DCLRE1C: variants seen among roughly 807,000 people sequenced by gnomAD.
The protein encoded by DCLRE1C is protein artemis.
A neutral mutation model predicts 61.4 loss-of-function variants in DCLRE1C; 47 were observed. The observed-to-expected ratio is 0.77, with a 90% confidence interval of 0.61 to 0.98. The LOEUF (loss-of-function observed/expected upper bound fraction) is 0.98. Among genes scored for constraint, DCLRE1C ranks in the 50% least tolerant of loss-of-function variants. The pLI, the probability that DCLRE1C is intolerant of heterozygous loss-of-function variation, is 0.00. For missense variants in DCLRE1C, 858 were observed against 816.0 expected (o/e 1.05, Z -0.63); for synonymous variants, 337 against 287.6 (o/e 1.17, Z -1.74).
rs1027865645 is a variant in DCLRE1C at position 14,932,028 on chromosome 10, G to A, written c.780+826C>T. Among the ~76,000 whole-genome samples, 11 of 150,702 alleles carry A rather than the reference G, an allele frequency of 7.3e-5. No homozygotes were observed. In the East Asian group the frequency reaches 7.8e-4, roughly 11 times the overall value. On this transcript the variant is annotated intron_variant, in intron 9 of 13. Coordinates refer to ENST00000378278, the MANE Select transcript of DCLRE1C (RefSeq NM_001033855.3). ...CAACCTGGGCAACAGAGCAAGGCTCGTCTCAAAAATAAATAAATAATAAAT... is the reference window on the plus strand; with the variant it reads ...CAACCTGGGCAACAGAGCAAGGCTCATCTCAAAAATAAATAAATAATAAAT...
chr10:14,945,653 C>CTTTTTTTTTTTTTTTT (rs148072088), intron 2 of DCLRE1C: 1 of 259,710 alleles, frequency 3.9e-6, no homozygotes, highest in Non-Finnish European at 4.8e-6. Flanking sequence ...TAAGTCTATT[C>CTTTTTTTTTTTTTTTT]TTTTTTTTTT....
In DCLRE1C at chr10:14,905,071, TAC is replaced by T. The variant is rs1834279399; in HGVS notation, c.*3335_*3336del. 6.6e-6 allele frequency among the ~76,000 whole-genome samples: 1 copy of T among 152,246 alleles called. No homozygotes were observed. Among genetic ancestry groups the T allele is most frequent in the Non-Finnish European group, 1.5e-5 (1 of 68,034 alleles). On this transcript the variant is annotated 3_prime_UTR_variant, in exon 14 of 14. Coordinates refer to ENST00000378278, the MANE Select transcript of DCLRE1C (RefSeq NM_001033855.3). ...CCATGGCTTAGCTTTGTTTCTGTTT[TAC>T]AGTCATTTCCAGTAAGACTATAAAA...
downstream of DCLRE1C, chr10:14,902,842 AT>A (rs756453844): frequency 2.5e-4 from 40 of 160,598 alleles, no homozygotes; most frequent in Non-Finnish European, 4.8e-4. Context: ...TGATAATGTA[AT>A]TAACAACTGC....
intron 13 of DCLRE1C, among the ~76,000 whole-genome samples, chr10:14,911,615 AAAAT>A (rs1241791486): frequency 6.6e-5 from 10 of 152,206 alleles, no homozygotes; most frequent in Non-Finnish European, 8.8e-5. Flanking sequence ...ATAAAAGAAA[AAAAT>A]AGACAAATTT....
At chr10:14,938,515 G>C (rs190318488) in intron 4 of DCLRE1C, among the ~76,000 whole-genome samples, 2 of 152,162 alleles carry the variant, frequency 1.3e-5, no homozygotes, top group East Asian at 3.9e-4. Flanking sequence ...GTTAAACACG[G>C]CAAAGCAGTG....
downstream of DCLRE1C, among the ~76,000 whole-genome samples, chr10:14,900,384 A>G (rs1414773234): frequency 3.9e-5 from 6 of 152,230 alleles, no homozygotes; most frequent in Non-Finnish European, 2.9e-5. Context: ...GTGTGCCACA[A>G]AGTTATATAG....
chr10:14,898,281 C>T (rs548393094), exon 14 of DCLRE1C: 2 of 140,806 alleles, frequency 1.4e-5, no homozygotes, highest in Non-Finnish European at 3.0e-5. Flanking sequence ...AGTACCTTGC[C>T]CAAGGTCACA....
chr10:14,902,728 A>G, downstream of DCLRE1C: 2 of 358,518 alleles, frequency 5.6e-6, no homozygotes, highest in Non-Finnish European at 1.0e-5. Flanking sequence ...TATAGTGCTT[A>G]GAGACCAAAC....
At chr10:14,949,121 T>A in intron 1 of DCLRE1C, 34 bp from the exon 2 acceptor site, 1 of 1,480,846 alleles carries the variant, frequency 6.8e-7, no homozygotes. Context: ...CATGAATATG[T>A]TTTTCCAGAG....
downstream of DCLRE1C, chr10:14,903,613 C>T (rs762554670): frequency 5.3e-5 from 8 of 152,096 alleles, no homozygotes; most frequent in Non-Finnish European, 7.4e-5. Flanking sequence ...AATTATTAGA[C>T]CTTTTTATTA....
chr10:14,935,640 T>C (rs1839784893), intron 5 of DCLRE1C, 76 bp from the exon 6 acceptor site: 2 of 1,346,316 alleles, frequency 1.5e-6, no homozygotes, highest in East Asian at 4.6e-5. Context: ...GTGAGCTGCA[T>C]ACTAAATGCT....
At chr10:14,950,357 C>CAAAAAAAAAAAAAAAAAACA (rs1842280597) in intron 1 of DCLRE1C, among the ~76,000 whole-genome samples, 1 of 71,264 alleles carries the variant, frequency 1.4e-5, no homozygotes, top group Non-Finnish European at 3.1e-5. Context: ...AAATAATAAC[C>CAAAAAAAAAAAAAAAAAACA]AAAAAAAAAA....
At chr10:14,951,514 A>G (rs1842463448) in intron 1 of DCLRE1C, among the ~76,000 whole-genome samples, 1 of 151,808 alleles carries the variant, frequency 6.6e-6, no homozygotes, top group Non-Finnish European at 1.5e-5. Context: ...GATACCATAG[A>G]TACCATAGTT....
At chr10:14,938,709 T>C (rs751711867) in intron 4 of DCLRE1C, among the ~76,000 whole-genome samples, 5 of 152,200 alleles carry the variant, frequency 3.3e-5, no homozygotes, top group Non-Finnish European at 7.3e-5. Flanking sequence ...GAGCCCCTTT[T>C]CTGAATAAGG....
rs551424525 is a variant in DCLRE1C, at chr10:14,920,311, G to A, written c.1062-479C>T. 186 of 874,918 alleles carry A rather than the reference G, an allele frequency of 2.1e-4. No individual in the cohort carries two copies. In the African/African-American group the frequency reaches 3.3e-3, roughly 16 times the overall value. The allele number at this position is 874,918 out of a possible 1,614,324, so 54.2% of individuals were successfully genotyped here. On this transcript the variant is annotated intron_variant, in intron 12 of 13. Transcript: ENST00000378278. ...TTATCTTGTCATTCTAGGTCCTTAG[G>A]CTGAAAGCTAAGACAAAGTGGAGAT...
intron 9 of DCLRE1C, among the ~76,000 whole-genome samples, chr10:14,931,227 T>A (rs1304690485): frequency 6.6e-6 from 1 of 152,216 alleles, no homozygotes; most frequent in Non-Finnish European, 1.5e-5. Context: ...AGTCTTGTAC[T>A]CAGCGTTTGA....
Position 14,923,079 on chromosome 10 carries a change from G to T in DCLRE1C, c.973-10C>A. On this transcript the variant is annotated splice_polypyrimidine_tract_variant and intron_variant, in intron 11 of 13. Coordinates refer to ENST00000378278, the MANE Select transcript of DCLRE1C (RefSeq NM_001033855.3). ...TCAAGAAATCTTTAATCTAGAAAAA[G>T]GAAAATCACATGGATCAACAATCTC... The T allele has an allele frequency of 6.3e-7, 1 of 1,598,204 alleles. No homozygotes were observed. The highest frequency in any genetic ancestry group is 8.6e-7 in the Non-Finnish European group (1 of 1,165,650).
At chr10:14,932,987 G>T (rs373143279) in intron 8 of DCLRE1C, 32 bp from the exon 9 acceptor site, 2 of 1,602,252 alleles carry the variant, frequency 1.2e-6, no homozygotes, top group Admixed American at 1.7e-5. Context: ...TGCAAATTAT[G>T]TGAAATGTAT....
In DCLRE1C at chr10:14,908,637, C is replaced by G. The variant is rs1311886274; in HGVS notation, c.1850G>C (p.Ser617Thr). Residue 617 changes from serine to threonine, a missense_variant, in exon 14 of 14, where the codon AGT becomes ACT. Physicochemically the swap from Ser to Thr is moderately conservative, Grantham distance 58. Coordinates refer to ENST00000378278, the MANE Select transcript of DCLRE1C (RefSeq NM_001033855.3). ...GCTTAGAGTAGTTGGTTCTCCAGTACTAGGAACTATTGTCACATCTTTATC... is the reference window on the plus strand; with the variant it reads ...GCTTAGAGTAGTTGGTTCTCCAGTAGTAGGAACTATTGTCACATCTTTATC... ...SRDKDVTIVP[S>T]TGEPTTLSSE... 4 of 1,614,146 alleles carry G rather than the reference C, an allele frequency of 2.5e-6. 1 individual carries two copies. The Admixed American group carries it at 6.7e-5, about 27-fold the overall frequency.
Sources: allele counts gnomAD v4.1 joint callset (sites outside exome capture counted in the v4.1 genomes callset), GRCh38; gene constraint gnomAD v4.1.1; transcripts MANE v1.5; gene names NCBI Gene and HGNC (gene_info 2026-07-23, HGNC 2026-07-21).